The following OR7A17 variants were observed in gnomAD, a reference collection of about 807,000 sequenced individuals.
The protein encoded by OR7A17 is olfactory receptor family 7 subfamily A member 17, also known as olfactory receptor 7A17.
For missense variants in OR7A17, 366 were observed against 365.5 expected, an observed-to-expected ratio of 1.00 and a Z score of -0.01; for synonymous variants, 159 against 142.1, an observed-to-expected ratio of 1.12 and a Z score of -0.85.
Position 14,880,659 on chromosome 19 carries a change from C to G in OR7A17, c.697G>C (p.Gly233Arg). The G allele has an allele frequency of 6.2e-7, 1 of 1,614,108 alleles. No individual in the cohort carries two copies. The highest frequency in any genetic ancestry group is 1.1e-5 in the South Asian group (1 of 91,080). ...SSIRAISSAQ[G>R]KYKAFSTCAS... ...CAGGTGGAAAATGCCTTGTACTTCC[C>G]CTGAGCTGATGAGATTGCACGTATG... The change falls in exon 3 of 3, where the codon GGG becomes CGG. Residue 233 changes from glycine (G) to arginine (R), a missense_variant. By Grantham distance (125) the Gly-to-Arg change is moderately radical. Coordinates refer to ENST00000641113, the MANE Select transcript of OR7A17 (RefSeq NM_030901.2).
Position 14,878,693 on chromosome 19 carries a change from T to G in OR7A17, c.*1733A>C, listed in dbSNP as rs903536496. The G allele has an allele frequency of 4.6e-5, 7 of 152,276 alleles. No individual in the cohort carries two copies. The highest frequency in any genetic ancestry group is 8.8e-5 in the Non-Finnish European group (6 of 68,114). The allele number at this position is 152,276 out of a possible 1,614,324, so 9.4% of individuals were successfully genotyped here. A position where few individuals can be genotyped will look rare whatever the true frequency, so the allele number is the denominator to read the frequency against. ...CAATTCAATGTATGACTGATTTTTT[T>G]TTTTGAGATGGAGTCTCTGTCACCC... On this transcript the variant is annotated 3_prime_UTR_variant, in exon 3 of 3. Coordinates refer to ENST00000641113, the MANE Select transcript of OR7A17 (RefSeq NM_030901.2).
rs961653760 is a variant in OR7A17, at chr19:14,878,470, G to T, written c.*1956C>A. 1 of 152,168 alleles carries T rather than the reference G, an allele frequency of 6.6e-6. No homozygotes were observed. Among genetic ancestry groups the T allele is most frequent in the African/African-American group, 2.4e-5 (1 of 41,436 alleles). 9.4% of individuals were successfully genotyped at this position (152,168 alleles called of 1,614,324 possible). A position where few individuals can be genotyped will look rare whatever the true frequency, so the allele number is the denominator to read the frequency against. On this transcript the variant is annotated 3_prime_UTR_variant, in exon 3 of 3. Coordinates refer to ENST00000641113, the MANE Select transcript of OR7A17 (RefSeq NM_030901.2). The stretch of plus-strand genomic sequence containing the variant: ...TGGCTAAGACACAATATTTTAAAAG[G>T]AAGATTTTAAGCAGGACAACAGAAG...
chr19:14,880,504 C>T lies in OR7A17; in HGVS notation c.852G>A (p.Met284Ile), dbSNP rs1412692173. ...TCAGACTGTAGATAAAGGGGTTCAG[C>T]ATGGGGGTGGCCACAGTGTACATCA... The part of the protein sequence containing the change: ...ASVMYTVATP[M>I]LNPFIYSLRN... The change falls in exon 3 of 3, where the codon ATG becomes ATA. Residue 284 changes from methionine (M) to isoleucine (I), a missense_variant. Transcript: ENST00000641113. The T allele has an allele frequency of 1.2e-6, 2 of 1,614,024 alleles. No individual in the cohort carries two copies. Among genetic ancestry groups the T allele is most frequent in the Non-Finnish European group, 1.7e-6 (2 of 1,179,978 alleles).
Position 14,880,536 on chromosome 19 carries a change from C to T in OR7A17, c.820G>A (p.Ala274Thr). The change falls in exon 3 of 3, where the codon GCC (alanine) becomes ACC (threonine). Residue 274 changes from alanine (A) to threonine (T), a missense_variant. Transcript: ENST00000641113. ...ATHNSHTSAT[A>T]SVMYTVATPM... ...GTGGCCACAGTGTACATCACTGAGGCTGTTGCACTTGTGTGTGAGTTGTGG... is the reference window on the plus strand; with the variant it reads ...GTGGCCACAGTGTACATCACTGAGGTTGTTGCACTTGTGTGTGAGTTGTGG... The T allele has an allele frequency of 6.2e-7, 1 of 1,614,128 alleles. No homozygotes were observed. The highest frequency in any genetic ancestry group is 8.5e-7 in the Non-Finnish European group (1 of 1,180,000).
intron 1 of OR7A17, among the ~76,000 whole-genome samples, chr19:14,884,411 T>C (rs11881975): frequency 0.4 from 60,596 of 151,904 alleles, 13,099 homozygotes; most frequent in East Asian, 0.64. Context: ...GGCATCATAG[T>C]GAGAACCAGG....
Position 14,881,152 on chromosome 19 carries a change from A to G in OR7A17, c.204T>C (p.Phe68=). Reference sequence around the variant, plus strand: ...TAGTGGAGATGAAACAGATGTCTGCAAAGGACAGGTTGGAGAGGAAGAAGT... The same window carrying G: ...TAGTGGAGATGAAACAGATGTCTGCGAAGGACAGGTTGGAGAGGAAGAAGT... ...PMYFFLSNLS[F]ADICFISTTI... Residue 68 remains phenylalanine (F), a synonymous_variant, in exon 3 of 3, where the codon TTT becomes TTC. Coordinates refer to ENST00000641113, the MANE Select transcript of OR7A17 (RefSeq NM_030901.2). The G allele has an allele frequency of 1.2e-6, 2 of 1,614,118 alleles. No homozygotes were observed. Among genetic ancestry groups the G allele is most frequent in the Non-Finnish European group, 1.7e-6 (2 of 1,180,010 alleles).
In OR7A17 at chr19:14,881,405, T is replaced by C. The variant is rs535479058; in HGVS notation, c.-50A>G. 4.7e-5 allele frequency: 50 copies of C among 1,057,494 alleles called. 1 individual carries two copies. Among genetic ancestry groups the C allele is most frequent in the Non-Finnish European group, 6.0e-5 (49 of 819,830 alleles). The allele number at this position is 1,057,494 out of a possible 1,614,324, so 65.5% of individuals were successfully genotyped here. On this transcript the variant is annotated 5_prime_UTR_variant, in exon 3 of 3. An upstream open reading frame in the 5' UTR loses its in-frame stop. Transcript: ENST00000641113. Reference sequence around the variant, plus strand: ...ATTTATTTATTTATTTATTTATTTATTAACATAGACAGGGTCTCTCACTCT... The same window carrying C: ...ATTTATTTATTTATTTATTTATTTACTAACATAGACAGGGTCTCTCACTCT...
At chr19:14,882,471 G>A (rs1599945866) in intron 1 of OR7A17, among the ~76,000 whole-genome samples, 1 of 152,200 alleles carries the variant, frequency 6.6e-6, no homozygotes, top group Non-Finnish European at 1.5e-5. Flanking sequence ...CACAGAATGT[G>A]CTTCTTTCAG....
At chr19:14,882,226 G>T (rs912094857) in intron 1 of OR7A17, among the ~76,000 whole-genome samples, 1 of 152,168 alleles carries the variant, frequency 6.6e-6, no homozygotes, top group African/African-American at 2.4e-5. Flanking sequence ...AGTCAATGGT[G>T]CTATAAAACA....
rs2045110292 is a variant in OR7A17 at position 14,881,324 on chromosome 19, T to A, written c.32A>T (p.Glu11Val). 10 of 1,574,438 alleles carry A rather than the reference T, an allele frequency of 6.4e-6. No homozygotes were observed. The highest frequency in any genetic ancestry group is 1.4e-5 in the African/African-American group (1 of 73,956). The change falls in exon 3 of 3, where the codon GAA becomes GTA. Residue 11 changes from glutamate (E) to valine (V), a missense_variant. By Grantham distance (121) the Glu-to-Val change is moderately radical. Transcript: ENST00000641113. ...CTCAGAAAGTCCCAGAAGAACAAAT[T>A]CTGAAATCCCTGTGTCATTCTCTGG... MEPENDTGIS[E>V]FVLLGLSEEP...
chr19:14,883,705 T>C (rs931446451), intron 1 of OR7A17, among the ~76,000 whole-genome samples: 11 of 152,154 alleles, frequency 7.2e-5, no homozygotes, highest in Non-Finnish European at 1.2e-4. Context: ...CGTGATAAAA[T>C]AAAAAGAATG....
chr19:14,880,904 A>G lies in OR7A17; in HGVS notation c.452T>C (p.Ile151Thr). ...CGLLVLASWM[I>T]AALNSLSQSL... ...TTGTGACAAGGAATTCAGGGCAGCA[A>G]TCATCCAGGATGCCAGAACCAGGAG... Residue 151 changes from isoleucine to threonine, a missense_variant, in exon 3 of 3, where the codon ATT becomes ACT. Coordinates refer to ENST00000641113, the MANE Select transcript of OR7A17 (RefSeq NM_030901.2). The G allele has an allele frequency of 1.9e-6, 3 of 1,614,204 alleles. No homozygotes were observed. Among genetic ancestry groups the G allele is most frequent in the Non-Finnish European group, 8.5e-7 (1 of 1,180,022 alleles).
rs773590866 is a variant in OR7A17 at position 14,881,013 on chromosome 19, G to A, written c.343C>T (p.Leu115=). 6.2e-7 allele frequency: 1 copy of A among 1,614,210 alleles called. No individual in the cohort carries two copies. Among genetic ancestry groups the A allele is most frequent in the Non-Finnish European group, 8.5e-7 (1 of 1,180,044 alleles). ...AACCGATCATAGGCCATCACAGCCAGGAGTAAGCTGTCTAACCCTCCAAAA... is the reference window on the plus strand; with the variant it reads ...AACCGATCATAGGCCATCACAGCCAAGAGTAAGCTGTCTAACCCTCCAAAA... ...VLFGGLDSLL[L]AVMAYDRFVA... The change falls in exon 3 of 3, where the codon CTG becomes TTG. Residue 115 remains leucine, a synonymous_variant. Transcript: ENST00000641113.
In OR7A17 at chr19:14,880,849, G is replaced by T; in HGVS notation, c.507C>A (p.Cys169Ter). 1 of 1,614,206 alleles carries T rather than the reference G, an allele frequency of 6.2e-7. No homozygotes were observed. Among genetic ancestry groups the T allele is most frequent in the Non-Finnish European group, 8.5e-7 (1 of 1,180,042 alleles). Residue 169 changes from cysteine (C) to a stop codon, truncating the protein, a stop_gained, in exon 3 of 3, where the codon TGC becomes TGA. Transcript: ENST00000641113. LOFTEE classifies it low-confidence loss of function (END_TRUNC). ...QSLMVLWLSFCTDLEIPHFFC... is the reference protein window; with the variant it reads ...QSLMVLWLSF ...AAAAGTGGGGGATTTCCAAGTCTGT[G>T]CAGAAGGACAGCCACAATACCATTA... is the stretch of plus-strand genomic sequence containing the variant.
Position 14,881,234 on chromosome 19 carries a change from C to T in OR7A17, c.122G>A (p.Gly41Glu), listed in dbSNP as rs1248333088. The stretch of plus-strand genomic sequence containing the variant: ...TGTGGCCAGGATGATGAGCAGATTC[C>T]CGAGCACAGTGACCAGGTACATGGA... ...FLSMYLVTVL[G>E]NLLIILATIS... Residue 41 changes from glycine to glutamate, a missense_variant, in exon 3 of 3, where the codon GGG (glycine) becomes GAG (glutamate). Coordinates refer to ENST00000641113, the MANE Select transcript of OR7A17 (RefSeq NM_030901.2). 5 of 1,613,792 alleles carry T rather than the reference C, an allele frequency of 3.1e-6. No individual in the cohort carries two copies. Among genetic ancestry groups the T allele is most frequent in the Non-Finnish European group, 8.5e-7 (1 of 1,179,968 alleles).
chr19:14,882,086 G>A (rs574597058), intron 1 of OR7A17, among the ~76,000 whole-genome samples: 2 of 147,648 alleles, frequency 1.4e-5, no homozygotes, highest in Non-Finnish European at 3.0e-5. Flanking sequence ...ACGCTCTCTC[G>A]CTCTCTCTCT....
At position 14,880,173 on chromosome 19, in the gene OR7A17, T is replaced by C; in HGVS notation, c.*253A>G. 4.0e-6 allele frequency: 1 copy of C among 252,430 alleles called. No individual in the cohort carries two copies. The highest frequency in any genetic ancestry group is 7.0e-6 in the Non-Finnish European group (1 of 142,168). The allele number at this position is 252,430 out of a possible 1,614,324, so 15.6% of individuals were successfully genotyped here. The stretch of plus-strand genomic sequence containing the variant: ...GGAATCTCCACCTTGTTTCTGACCC[T>C]AGTTTGGGAAAAACATTGGGAAAGT... On this transcript the variant is annotated 3_prime_UTR_variant, in exon 3 of 3. Coordinates refer to ENST00000641113, the MANE Select transcript of OR7A17 (RefSeq NM_030901.2).
At chr19:14,885,502 A>G (rs182884908) in intron 1 of OR7A17, among the ~76,000 whole-genome samples, 41 of 152,340 alleles carry the variant, frequency 2.7e-4, no homozygotes, top group Non-Finnish European at 4.0e-4. Context: ...GAGCCAAATC[A>G]TGAGTGAACT....
chr19:14,881,078 G>A lies in OR7A17; in HGVS notation c.278C>T (p.Thr93Ile), dbSNP rs778144613. ...CATCTGGGTGATGCAGCCTGCATAG[G>A]TGATGACTCTGCTCTGTGTCTGGAT... ...INIQTQSRVI[T>I]YAGCITQMCF... Residue 93 changes from threonine (T) to isoleucine (I), a missense_variant, in exon 3 of 3, where the codon ACC becomes ATC. Thr to Ile is a moderately conservative substitution (Grantham distance 89). Coordinates refer to ENST00000641113, the MANE Select transcript of OR7A17 (RefSeq NM_030901.2). The A allele has an allele frequency of 2.5e-5, 41 of 1,614,096 alleles. No individual in the cohort carries two copies. The highest frequency in any genetic ancestry group is 3.1e-5 in the Non-Finnish European group (37 of 1,180,054).
Sources: allele counts gnomAD v4.1 joint callset (sites outside exome capture counted in the v4.1 genomes callset), GRCh38; gene constraint gnomAD v4.1.1; transcripts MANE v1.5; gene names NCBI Gene and HGNC (gene_info 2026-07-23, HGNC 2026-07-21).